ARHGAP12: variants seen among roughly 807,000 people sequenced by gnomAD.
ARHGAP12 encodes rho GTPase-activating protein 12.
Under a neutral mutation model 108.6 loss-of-function variants are expected in ARHGAP12, and 64 were observed. That is an observed-to-expected ratio of 0.59 (90% CI 0.48 to 0.73). ARHGAP12 has a LOEUF of 0.73. ARHGAP12 is among the 30% of genes least tolerant of loss of function. The pLI is 0.00. For synonymous variants in ARHGAP12, 312 were observed against 337.2 expected (o/e 0.93, Z 0.82); for missense variants, 940 against 1,005.9 (o/e 0.93, Z 0.89).
intron 3 of ARHGAP12, among the ~76,000 whole-genome samples, chr10:31,863,502 T>C (rs1240113520): frequency 1.3e-5 from 2 of 152,190 alleles, no homozygotes; most frequent in Non-Finnish European, 2.9e-5. Flanking sequence ...ACAATTCCTG[T>C]TGTTTAAACA....
intron 3 of ARHGAP12, among the ~76,000 whole-genome samples, chr10:31,894,762 T>G (rs1374498349): frequency 6.6e-6 from 1 of 152,128 alleles, no homozygotes; most frequent in African/African-American, 2.4e-5. Flanking sequence ...AAAGTTCATA[T>G]GGAACCAAAA....
chr10:31,903,530 G>C (rs1389304992), intron 3 of ARHGAP12, among the ~76,000 whole-genome samples: 1 of 152,118 alleles, frequency 6.6e-6, no homozygotes, highest in African/African-American at 2.4e-5. Flanking sequence ...GGATAAACTG[G>C]ACCTCAACAA....
At chr10:31,928,271 G>A (rs374000689) in intron 1 of ARHGAP12, among the ~76,000 whole-genome samples, 6 of 143,014 alleles carry the variant, frequency 4.2e-5, no homozygotes, top group African/African-American at 1.5e-4. Context: ...CCCGCCTTGT[G>A]CACACACGCG....
At position 31,809,117 on chromosome 10, in the gene ARHGAP12, C is replaced by T. The variant is rs1834924156; in HGVS notation, c.2140G>A (p.Asp714Asn). Residue 714 changes from aspartate to asparagine, a missense_variant, in exon 18 of 20, where the codon GAC becomes AAC. Transcript: ENST00000344936. ...TCTTCCCATTTACTGTCATTCAAGTCCAATTTCTCATCTGAAAAACAGCAG... is the reference window on the plus strand; with the variant it reads ...TCTTCCCATTTACTGTCATTCAAGTTCAATTTCTCATCTGAAAAACAGCAG... ...RFAVNHDEKL[D>N]LNDSKWEDIH... 9 of 1,613,108 alleles carry T rather than the reference C, an allele frequency of 5.6e-6. No individual in the cohort carries two copies. Among genetic ancestry groups the T allele is most frequent in the Middle Eastern group, 1.6e-4 (1 of 6,076 alleles).
intron 6 of ARHGAP12, among the ~76,000 whole-genome samples, chr10:31,850,146 A>T (rs897609751): frequency 1.3e-5 from 2 of 152,180 alleles, no homozygotes; most frequent in Non-Finnish European, 2.9e-5. Context: ...TTCCTCCAAA[A>T]ACTCAACTGG....
At chr10:31,898,709 A>G (rs983834054) in intron 3 of ARHGAP12, among the ~76,000 whole-genome samples, 9 of 152,326 alleles carry the variant, frequency 5.9e-5, no homozygotes, top group African/African-American at 1.7e-4. Flanking sequence ...AACTGCCTAC[A>G]GTATTCAGGA....
intron 12 of ARHGAP12, among the ~76,000 whole-genome samples, chr10:31,819,853 GT>G (rs1384314994): frequency 6.6e-6 from 1 of 151,870 alleles, no homozygotes; most frequent in African/African-American, 2.4e-5. Flanking sequence ...TGGTTCTTTT[GT>G]TAAACCACTA....
At chr10:31,923,883 T>C (rs1217064391) in intron 1 of ARHGAP12, among the ~76,000 whole-genome samples, 1 of 152,214 alleles carries the variant, frequency 6.6e-6, no homozygotes, top group Non-Finnish European at 1.5e-5. Flanking sequence ...GGTATATACA[T>C]ATGTCAAAAC....
intron 3 of ARHGAP12, among the ~76,000 whole-genome samples, chr10:31,867,439 C>G (rs543249895): frequency 6.6e-6 from 1 of 152,178 alleles, no homozygotes; most frequent in East Asian, 1.9e-4. Context: ...AATATAGGTT[C>G]TTGGCATAAA....
chr10:31,888,416 A>G (rs937553317), intron 3 of ARHGAP12, among the ~76,000 whole-genome samples: 1 of 152,230 alleles, frequency 6.6e-6, no homozygotes, highest in Admixed American at 6.5e-5. Flanking sequence ...GAAAAAATAG[A>G]TACTCTAATT....
chr10:31,877,533 T>G (rs1045965460), intron 3 of ARHGAP12, among the ~76,000 whole-genome samples: 2 of 152,236 alleles, frequency 1.3e-5, no homozygotes, highest in East Asian at 3.8e-4. Context: ...CTATTGTACC[T>G]GATAAACAGA....
At chr10:31,903,335 G>C (rs1839003178) in intron 3 of ARHGAP12, among the ~76,000 whole-genome samples, 1 of 152,168 alleles carries the variant, frequency 6.6e-6, no homozygotes. Flanking sequence ...TAAGAATACA[G>C]TATTATTATC....
chr10:31,889,928 A>G (rs1286130263), intron 3 of ARHGAP12, among the ~76,000 whole-genome samples: 1 of 152,028 alleles, frequency 6.6e-6, no homozygotes, highest in African/African-American at 2.4e-5. Flanking sequence ...ACAAGCAGAA[A>G]AAACCATGGG....
At chr10:31,890,640 A>G (rs1449294653) in intron 3 of ARHGAP12, among the ~76,000 whole-genome samples, 1 of 152,210 alleles carries the variant, frequency 6.6e-6, no homozygotes, top group East Asian at 1.9e-4. Flanking sequence ...AGGACTTATC[A>G]AAAAGATTTA....
rs1192526982 is a variant in ARHGAP12, at chr10:31,807,652, T to G, written c.*6A>C. The stretch of plus-strand genomic sequence containing the variant: ...CTTCTATTCCACAGGTTGTCTTCAG[T>G]AAGAATCAACGTCCGAAGATGGAAC... On this transcript the variant is annotated 3_prime_UTR_variant, in exon 20 of 20. Transcript: ENST00000344936. 2 of 1,597,408 alleles carry G rather than the reference T, an allele frequency of 1.3e-6. No homozygotes were observed. Among genetic ancestry groups the G allele is most frequent in the Non-Finnish European group, 1.7e-6 (2 of 1,174,596 alleles).
intron 10 of ARHGAP12, among the ~76,000 whole-genome samples, chr10:31,828,657 A>G (rs1239857581): frequency 6.6e-6 from 1 of 152,166 alleles, no homozygotes; most frequent in South Asian, 2.1e-4. Context: ...TCAAGGACTA[A>G]GCACTTGCGT....
chr10:31,844,124 T>C (rs1443350703), intron 6 of ARHGAP12, among the ~76,000 whole-genome samples: 1 of 152,194 alleles, frequency 6.6e-6, no homozygotes, highest in Non-Finnish European at 1.5e-5. Context: ...CTTTCTAGGC[T>C]ATGTGAGTTG....
At chr10:31,864,241 G>T (rs995461304) in intron 3 of ARHGAP12, among the ~76,000 whole-genome samples, 1 of 152,076 alleles carries the variant, frequency 6.6e-6, no homozygotes, top group Non-Finnish European at 1.5e-5. Context: ...CCAGATTTTT[G>T]ATTATCTAGT....
chr10:31,863,418 G>A (rs1345744824), intron 3 of ARHGAP12, among the ~76,000 whole-genome samples: 1 of 152,004 alleles, frequency 6.6e-6, no homozygotes, highest in East Asian at 1.9e-4. Context: ...CTAGAACTTG[G>A]GGAAATAAAG....
Sources: allele counts gnomAD v4.1 joint callset (sites outside exome capture counted in the v4.1 genomes callset), GRCh38; gene constraint gnomAD v4.1.1; transcripts MANE v1.5; gene names NCBI Gene and HGNC (gene_info 2026-07-23, HGNC 2026-07-21).